Variants in ITGA4 observed in about 807,000 individuals in gnomAD.
The protein encoded by ITGA4 is integrin subunit alpha 4, also known as integrin alpha-4.
A neutral mutation model predicts 133.6 loss-of-function variants in ITGA4; 63 were observed. That is an observed-to-expected ratio of 0.47 (90% confidence interval 0.38 to 0.58). ITGA4 has a LOEUF of 0.58. Ranked by LOEUF, ITGA4 falls within the 20% of genes least tolerant of loss-of-function variation. ITGA4 has a pLI of 0.00. For synonymous variants in ITGA4, 483 were observed against 438.0 expected (o/e 1.10, Z -1.28); for missense variants, 1,076 against 1,252.7 (o/e 0.86, Z 2.13).
intron 2 of ITGA4, among the ~76,000 whole-genome samples, chr2:181,470,143 G>A (rs1685514350): frequency 6.6e-6 from 1 of 151,934 alleles, no homozygotes; most frequent in African/African-American, 2.4e-5. Context: ...GGGAAAGTAA[G>A]TATAACTATA....
rs200205452 is a variant in ITGA4, at chr2:181,536,453, A to T, written c.*926A>T. On this transcript the variant is annotated 3_prime_UTR_variant, in exon 28 of 28. Coordinates refer to ENST00000397033, the MANE Select transcript of ITGA4 (RefSeq NM_000885.6). ...ACTTTAAAATCAAAGCTGTGCAAAG[A>T]CTAGGGGGCCTATACTTCATATGTA... 6.6e-6 allele frequency among the ~76,000 whole-genome samples: 1 copy of T among 152,074 alleles called. No homozygotes were observed. The highest frequency in any genetic ancestry group is 1.5e-5 in the Non-Finnish European group (1 of 67,974).
intron 10 of ITGA4, among the ~76,000 whole-genome samples, chr2:181,490,847 TGTTG>T (rs1256697108): frequency 6.6e-6 from 1 of 152,212 alleles, no homozygotes; most frequent in Non-Finnish European, 1.5e-5. Flanking sequence ...ATAGTATAAG[TGTTG>T]GCTGACATAC....
rs767773404 is a variant in ITGA4 at position 181,530,571 on chromosome 2, A to G, written c.2586A>G (p.Ala862=). ...TTGAAAATTATCAAAGAGTGTGTGC[A>G]TTAGAGCAGCAAAAGAGTGCAATGC... is the stretch of plus-strand genomic sequence containing the variant. ...CHFENYQRVC[A]LEQQKSAMQT... Residue 862 remains alanine, a synonymous_variant, in exon 24 of 28, where the codon GCA becomes GCG. Transcript: ENST00000397033. 1.2e-6 allele frequency: 2 copies of G among 1,613,270 alleles called. No homozygotes were observed. Among genetic ancestry groups the G allele is most frequent in the South Asian group, 1.1e-5 (1 of 91,046 alleles).
At chr2:181,534,990 G>T in intron 27 of ITGA4, 55 bp downstream of exon 27, 1 of 1,500,410 alleles carries the variant, frequency 6.7e-7, no homozygotes, top group Non-Finnish European at 8.9e-7. Context: ...TTTTCTCAAA[G>T]CCAATTTGAC....
At chr2:181,533,418 T>G (rs1426318240) in intron 25 of ITGA4, among the ~76,000 whole-genome samples, 4 of 152,312 alleles carry the variant, frequency 2.6e-5, no homozygotes, top group South Asian at 2.1e-4. Context: ...TGCCTTATCT[T>G]TTTCTCTAGG....
intron 22 of ITGA4, among the ~76,000 whole-genome samples, chr2:181,528,451 T>C (rs926705498): frequency 4.6e-5 from 7 of 152,266 alleles, no homozygotes; most frequent in South Asian, 2.1e-4. Context: ...AAATGTATAA[T>C]GTAGTGACTG....
chr2:181,537,856 T>C lies in ITGA4; in HGVS notation c.*2329T>C. 1 of 513,160 alleles carries C rather than the reference T, an allele frequency of 1.9e-6. No homozygotes were observed. Among genetic ancestry groups the C allele is most frequent in the Non-Finnish European group, 3.8e-6 (1 of 265,706 alleles). The allele number at this position is 513,160 out of a possible 1,614,324, so 31.8% of individuals were successfully genotyped here. A position where few individuals can be genotyped will look rare whatever the true frequency, so the allele number is the denominator to read the frequency against. On this transcript the variant is annotated 3_prime_UTR_variant, in exon 28 of 28. Coordinates refer to ENST00000397033, the MANE Select transcript of ITGA4 (RefSeq NM_000885.6). ...CATCAATTTCTATTAGGATATCCGT[T>C]TGGCCACACAGCAGGAGGTTAGAGC...
At chr2:181,459,451 A>G (rs373205308) in intron 2 of ITGA4, 7 of 104,318 alleles carry the variant, frequency 6.7e-5, no homozygotes, top group African/African-American at 1.5e-4. Flanking sequence ...TTTGTATTTT[A>G]TAGTAGTCTT....
rs767363666 is a variant in ITGA4, at chr2:181,494,721, G to C, written c.1249-1G>C. ...TCCCACTCAACTTTCCTATTTTTCAGAGAATTGAAGGACTTCAGATCAGCA... is the reference window on the plus strand; with the variant it reads ...TCCCACTCAACTTTCCTATTTTTCACAGAATTGAAGGACTTCAGATCAGCA... On this transcript the variant is annotated splice_acceptor_variant, in intron 11 of 27. Transcript: ENST00000397033. LOFTEE classifies it high-confidence loss of function. 2 of 1,557,550 alleles carry C rather than the reference G, an allele frequency of 1.3e-6. No individual in the cohort carries two copies. Among genetic ancestry groups the C allele is most frequent in the South Asian group, 2.2e-5 (2 of 89,892 alleles).
At chr2:181,528,548 C>A (rs886895654) in intron 22 of ITGA4, among the ~76,000 whole-genome samples, 1 of 152,168 alleles carries the variant, frequency 6.6e-6, no homozygotes, top group Non-Finnish European at 1.5e-5. Context: ...GTTAGGCAAA[C>A]AGATGTTTGT....
intron 2 of ITGA4, among the ~76,000 whole-genome samples, chr2:181,466,278 AAATAG>A (rs1327076855): frequency 6.6e-6 from 1 of 151,934 alleles, no homozygotes; most frequent in Non-Finnish European, 1.5e-5. Context: ...AACTCTTTCT[AAATAG>A]AATAGAATAA....
chr2:181,497,632 C>T (rs1388485588), intron 14 of ITGA4, among the ~76,000 whole-genome samples: 1 of 151,930 alleles, frequency 6.6e-6, no homozygotes, highest in African/African-American at 2.4e-5. Flanking sequence ...GCTTATGTTT[C>T]CTTGAAAAAA....
At chr2:181,504,786 A>T (rs896692153) in intron 15 of ITGA4, among the ~76,000 whole-genome samples, 26 of 152,090 alleles carry the variant, frequency 1.7e-4, no homozygotes, top group African/African-American at 6.0e-4. Flanking sequence ...TATTTAAAAA[A>T]TTCTATAAGA....
intron 15 of ITGA4, among the ~76,000 whole-genome samples, chr2:181,500,252 A>G (rs368025357): frequency 5.6e-4 from 86 of 152,250 alleles, no homozygotes; most frequent in African/African-American, 1.8e-3. Context: ...TAGAAAGGCA[A>G]AAAGTTACTC....
At chr2:181,511,592 A>G in intron 16 of ITGA4, 107 bp from the exon 17 acceptor site, 1 of 603,790 alleles carries the variant, frequency 1.7e-6, no homozygotes. Flanking sequence ...AATTTGATGT[A>G]TCAATTTTAT....
At position 181,494,794 on chromosome 2, in the gene ITGA4, G is replaced by C. The variant is rs1216881582; in HGVS notation, c.1321G>C (p.Asp441His). The C allele has an allele frequency of 1.9e-6, 3 of 1,556,632 alleles. No homozygotes were observed. The highest frequency in any genetic ancestry group is 2.7e-6 in the Non-Finnish European group (3 of 1,128,102). Residue 441 changes from aspartate to histidine, a missense_variant, in exon 12 of 28, where the codon GAT (aspartate) becomes CAT (histidine). Transcript: ENST00000397033. Reference sequence around the variant, plus strand: ...GTCTATATCAGGACAAATTGATGCAGATAATAATGGCTATGTAGGTGAGTA... The same window carrying C: ...GTCTATATCAGGACAAATTGATGCACATAATAATGGCTATGTAGGTGAGTA... Reference protein sequence around the residue: ...GQSISGQIDADNNGYVDVAVG... With the variant: ...GQSISGQIDAHNNGYVDVAVG...
intron 10 of ITGA4, among the ~76,000 whole-genome samples, chr2:181,488,383 C>T (rs757474181): frequency 5.3e-5 from 8 of 152,130 alleles, no homozygotes; most frequent in Non-Finnish European, 1.2e-4. Context: ...AAAGGTAATA[C>T]CTTTATGTCT....
chr2:181,472,559 A>G (rs1685579724), intron 2 of ITGA4, among the ~76,000 whole-genome samples: 1 of 152,220 alleles, frequency 6.6e-6, no homozygotes, highest in African/African-American at 2.4e-5. Context: ...TAACATGGCT[A>G]TTGTAGTAAA....
Position 181,493,347 on chromosome 2 carries a change from A to G in ITGA4, c.1176A>G (p.Gln392=), listed in dbSNP as rs1686094955. ...TAGATGTTGCTATCGGAGCTCCACA[A>G]GAAGATGACTTGCAAGGTGCTATTT... The part of the protein sequence containing the change: ...GFEDVAIGAP[Q]EDDLQGAIYI... The change falls in exon 11 of 28, where the codon CAA becomes CAG. Residue 392 remains glutamine, a synonymous_variant. Coordinates refer to ENST00000397033, the MANE Select transcript of ITGA4 (RefSeq NM_000885.6). 6.2e-7 allele frequency: 1 copy of G among 1,610,886 alleles called. No individual in the cohort carries two copies. Among genetic ancestry groups the G allele is most frequent in the Non-Finnish European group, 8.5e-7 (1 of 1,178,156 alleles).
Sources: gnomAD v4.1 joint callset for allele counts (sites outside exome capture counted in the v4.1 genomes callset) on GRCh38, gnomAD v4.1.1 for gene constraint, MANE v1.5 for transcripts, NCBI Gene and HGNC (gene_info 2026-07-23, HGNC 2026-07-21) for gene names.